Variants in CD74 observed in about 807,000 individuals in gnomAD.
CD74 encodes the protein CD74 molecule, also known as HLA class II histocompatibility antigen gamma chain.
CD74 carries 20 observed loss-of-function variants against 37.1 expected under a neutral mutation model. The ratio of observed to expected loss-of-function variants is 0.54; its 90% CI spans 0.38 to 0.78. The LOEUF is 0.78. Among genes scored for constraint, CD74 ranks in the 30% least tolerant of loss-of-function variants. The pLI is 0.00. For synonymous variants in CD74, 150 were observed against 152.0 expected (o/e 0.99, Z 0.10); for missense variants, 338 against 389.5 (o/e 0.87, Z 1.11).
At chr5:150,408,495 G>A (rs149337992) in intron 1 of CD74, among the ~76,000 whole-genome samples, 5 of 152,308 alleles carry the variant, frequency 3.3e-5, no homozygotes, top group South Asian at 2.1e-4. Context: ...CACTGCAAGC[G>A]CCAAAGTATT....
At chr5:150,409,035 C>T (rs1770167412) in intron 1 of CD74, among the ~76,000 whole-genome samples, 1 of 152,168 alleles carries the variant, frequency 6.6e-6, no homozygotes, top group African/African-American at 2.4e-5. Context: ...GTCTGGCCAA[C>T]ATGGCGAAAC....
In CD74 at chr5:150,412,767, C is replaced by T. The variant is rs766648871; in HGVS notation, c.-18G>A. 121 of 1,613,430 alleles carry T rather than the reference C, an allele frequency of 7.5e-5. No individual in the cohort carries two copies. Among genetic ancestry groups the T allele is most frequent in the Non-Finnish European group, 9.5e-5 (112 of 1,179,808 alleles). ...CTGTGCATCTGGGACCCTGACCCCC[C>T]GGCTCGCCTCTTAAAGTCGGTGCTG... is the stretch of plus-strand genomic sequence containing the variant. On this transcript the variant is annotated 5_prime_UTR_variant, in exon 1 of 9. Coordinates refer to ENST00000009530, the MANE Select transcript of CD74 (RefSeq NM_001025159.3).
Position 150,405,114 on chromosome 5 carries a change from T to G in CD74, c.508A>C (p.Lys170Gln), listed in dbSNP as rs772254715. ...GSFPENLRHL[K>Q]NTMETIDWKV... is the part of the protein sequence containing the mutation. ...CAGTCTATGGTCTCCATGGTGTTCT[T>G]AAGGTGTCTCAGGTTCTCCGGGAAG... is the stretch of plus-strand genomic sequence containing the variant. Residue 170 changes from lysine (K) to glutamine (Q), a missense_variant, in exon 5 of 9, where the codon AAG (lysine) becomes CAG (glutamine). By Grantham distance (53) the Lys-to-Gln change is moderately conservative. Transcript: ENST00000009530. 5 of 1,611,760 alleles carry G rather than the reference T, an allele frequency of 3.1e-6. No individual in the cohort carries two copies. In the South Asian group the frequency reaches 4.4e-5, roughly 14 times the overall value.
intron 1 of CD74, among the ~76,000 whole-genome samples, chr5:150,411,545 TG>T (rs926538533): frequency 6.6e-6 from 1 of 152,144 alleles, no homozygotes; most frequent in African/African-American, 2.4e-5. Context: ...TTTTGGAGAC[TG>T]GGGGTAGCAG....
At chr5:150,408,834 A>T (rs1770154505) in intron 1 of CD74, among the ~76,000 whole-genome samples, 1 of 152,190 alleles carries the variant, frequency 6.6e-6, no homozygotes, top group African/African-American at 2.4e-5. Context: ...CTCCCTCACG[A>T]ATGGGATTAG....
chr5:150,402,710 C>T lies in CD74; in HGVS notation c.818-85G>A, dbSNP rs1769710103. Reference sequence around the variant, plus strand: ...CCTGAGGGCAGTGCTTCCCACCTAGCCACAGGCTTAGTGCCTGGGAAAGCA... The same window carrying T: ...CCTGAGGGCAGTGCTTCCCACCTAGTCACAGGCTTAGTGCCTGGGAAAGCA... On this transcript the variant is annotated intron_variant, in intron 7 of 8. Transcript: ENST00000009530. This position sits in a 1 kb window ranked among gnomAD's most constrained non-coding sequence, Gnocchi z 4.2. 5 of 1,191,176 alleles carry T rather than the reference C, an allele frequency of 4.2e-6. No individual in the cohort carries two copies. The Admixed American group carries it at 8.3e-5, about 20-fold the overall frequency. The allele number at this position is 1,191,176 out of a possible 1,614,324, so 73.8% of individuals were successfully genotyped here.
chr5:150,403,064 C>G lies in CD74; in HGVS notation c.817+57G>C. 1 of 1,491,420 alleles carries G rather than the reference C, an allele frequency of 6.7e-7. No individual in the cohort carries two copies. Among genetic ancestry groups the G allele is most frequent in the African/African-American group, 1.4e-5 (1 of 72,518 alleles). 92.4% of individuals were successfully genotyped at this position (1,491,420 alleles called of 1,614,324 possible). A position where few individuals can be genotyped will look rare whatever the true frequency, so the allele number is the denominator to read the frequency against. On this transcript the variant is annotated intron_variant, in intron 7 of 8. Transcript: ENST00000009530. This position sits in a 1 kb window ranked among gnomAD's most constrained non-coding sequence, Gnocchi z 4.5. The stretch of plus-strand genomic sequence containing the variant: ...TGTGCTTCAGAGGGGACCTCTTGCC[C>G]CTCAACCTTCCTAGTCCTTCCTGGT...
Position 150,407,356 on chromosome 5 carries a change from G to A in CD74, c.126-32C>T, listed in dbSNP as rs756966865. On this transcript the variant is annotated intron_variant, in intron 1 of 8. Coordinates refer to ENST00000009530, the MANE Select transcript of CD74 (RefSeq NM_001025159.3). The surrounding 1 kb of genome is among the most constrained non-coding windows in gnomAD (Gnocchi z 4.4). Reference sequence around the variant, plus strand: ...GAGGTGGGGAGGATAGGTCAGAGGAGGATCCACAGTGGTGGCTGCCCCAAG... The same window carrying A: ...GAGGTGGGGAGGATAGGTCAGAGGAAGATCCACAGTGGTGGCTGCCCCAAG... 1 of 1,572,236 alleles carries A rather than the reference G, an allele frequency of 6.4e-7. No individual in the cohort carries two copies. Among genetic ancestry groups the A allele is most frequent in the East Asian group, 2.3e-5 (1 of 43,752 alleles).
chr5:150,402,972 A>G lies in CD74; in HGVS notation c.817+149T>C. 1.6e-6 allele frequency: 1 copy of G among 638,598 alleles called. No individual in the cohort carries two copies. Among genetic ancestry groups the G allele is most frequent in the Non-Finnish European group, 2.7e-6 (1 of 366,186 alleles). The allele number at this position is 638,598 out of a possible 1,614,324, so 39.6% of individuals were successfully genotyped here. A position where few individuals can be genotyped will look rare whatever the true frequency, so the allele number is the denominator to read the frequency against. On this transcript the variant is annotated intron_variant, in intron 7 of 8. Transcript: ENST00000009530. This position sits in a 1 kb window ranked among gnomAD's most constrained non-coding sequence, Gnocchi z 4.2. Reference sequence around the variant, plus strand: ...TAGGAATGCACAGGTGGGTGGATGGATAAAGGGCTGGACGCATGACTACGT... The same window carrying G: ...TAGGAATGCACAGGTGGGTGGATGGGTAAAGGGCTGGACGCATGACTACGT...
In CD74 at chr5:150,407,410, C is replaced by T. The variant is rs1770041936; in HGVS notation, c.126-86G>A. On this transcript the variant is annotated intron_variant, in intron 1 of 8. Transcript: ENST00000009530. The surrounding 1 kb of genome is among the most constrained non-coding windows in gnomAD (Gnocchi z 4.4). ...TGGCTAGGAATGGGGAAATGTATAC[C>T]CCCATCTCCATTAGACCCCTAAGCC... The T allele has an allele frequency of 2.7e-6, 3 of 1,121,634 alleles. No homozygotes were observed. The highest frequency in any genetic ancestry group is 4.6e-5 in the Admixed American group (2 of 43,348). The allele number at this position is 1,121,634 out of a possible 1,614,324, so 69.5% of individuals were successfully genotyped here.
chr5:150,404,453 C>T (rs2151175679), intron 6 of CD74: 1 of 539,838 alleles, frequency 1.9e-6, no homozygotes, highest in Non-Finnish European at 3.4e-6. Context: ...CTCTGTGGGC[C>T]CTTAGGAACC....
chr5:150,404,408 A>C (rs557561070), intron 6 of CD74: 3 of 436,116 alleles, frequency 6.9e-6, no homozygotes, highest in Non-Finnish European at 1.3e-5. Flanking sequence ...ACCATCCTCT[A>C]TGAGAGAGGT....
At chr5:150,406,066 C>G in intron 4 of CD74, 193 bp downstream of exon 4, 1 of 530,626 alleles carries the variant, frequency 1.9e-6, no homozygotes, top group South Asian at 2.1e-5. Context: ...CCACTGCACC[C>G]AGCCGAGCCT....
chr5:150,407,083 A>G lies in CD74; in HGVS notation c.298+69T>C. The G allele has an allele frequency of 6.4e-7, 1 of 1,561,860 alleles. No homozygotes were observed. On this transcript the variant is annotated intron_variant, in intron 2 of 8. Transcript: ENST00000009530. This position sits in a 1 kb window ranked among gnomAD's most constrained non-coding sequence, Gnocchi z 4.4. ...GAGGACAGTGGGCCCAGCTGGGTGC[A>G]GGGATGCGGGTCTCTGAGTTGAGGG...
At chr5:150,405,522 T>C in intron 4 of CD74, 2 of 757,452 alleles carry the variant, frequency 2.6e-6, no homozygotes, top group Non-Finnish European at 3.3e-6. Flanking sequence ...CCCAGCTAGG[T>C]TGAGTCCTCT....
chr5:150,404,610 G>A (rs1769838625), intron 6 of CD74, 70 bp downstream of exon 6: 1 of 910,920 alleles, frequency 1.1e-6, no homozygotes. Flanking sequence ...GGAGGCCCCG[G>A]CCTCAGCAGC....
At chr5:150,411,809 C>T (rs1230788609) in intron 1 of CD74, among the ~76,000 whole-genome samples, 1 of 152,186 alleles carries the variant, frequency 6.6e-6, no homozygotes, top group African/African-American at 2.4e-5. Context: ...CAGATGTCTC[C>T]ATCTACTCTA....
At position 150,402,180 on chromosome 5, in the gene CD74, G is replaced by A. The variant is rs371776032; in HGVS notation, c.*60C>T. 1.3e-6 allele frequency: 2 copies of A among 1,578,730 alleles called. No homozygotes were observed. Among genetic ancestry groups the A allele is most frequent in the Non-Finnish European group, 1.7e-6 (2 of 1,162,004 alleles). The stretch of plus-strand genomic sequence containing the variant: ...TGGGGGAGGGGCTGGGGGCTGAAGG[G>A]AGCAAGAAAGCTGTAGCTGTGTGGG... On this transcript the variant is annotated 3_prime_UTR_variant, in exon 9 of 9. Coordinates refer to ENST00000009530, the MANE Select transcript of CD74 (RefSeq NM_001025159.3). The surrounding 1 kb of genome is among the most constrained non-coding windows in gnomAD (Gnocchi z 4.2).
Position 150,406,312 on chromosome 5 carries a change from T to A in CD74, c.388A>T (p.Asn130Tyr), listed in dbSNP as rs1234104385. 6.2e-7 allele frequency: 1 copy of A among 1,613,616 alleles called. No individual in the cohort carries two copies. The highest frequency in any genetic ancestry group is 1.1e-5 in the South Asian group (1 of 91,076). The change falls in exon 4 of 9, where the codon AAT becomes TAT. Residue 130 changes from asparagine (N) to tyrosine (Y), a missense_variant. Asn to Tyr is a moderately radical substitution (Grantham distance 143). Coordinates refer to ENST00000009530, the MANE Select transcript of CD74 (RefSeq NM_001025159.3). The stretch of plus-strand genomic sequence containing the variant: ...GTCATGTTGCCATACTTGGTGGCAT[T>A]CTGCATGGGCTGTGGGAGGAAGTAA... Reference protein sequence around the residue: ...MGALPQGPMQNATKYGNMTED... With the variant: ...MGALPQGPMQYATKYGNMTED...
Sources: gnomAD v4.1 joint callset for allele counts (sites outside exome capture counted in the v4.1 genomes callset) on GRCh38, gnomAD v4.1.1 for gene constraint, Gnocchi (gnomAD v3.1) non-coding constraint, MANE v1.5 for transcripts, NCBI Gene and HGNC (gene_info 2026-07-23, HGNC 2026-07-21) for gene names.